TAFA1: variants seen among roughly 807,000 people sequenced by gnomAD.
The protein encoded by TAFA1 is TAFA chemokine like family member 1.
A neutral mutation model predicts 18.5 loss-of-function variants in TAFA1; 4 were observed. The observed-to-expected ratio is 0.22, with a 90% confidence interval of 0.11 to 0.49. TAFA1 has a LOEUF of 0.49. TAFA1 is among the 20% of genes least tolerant of loss of function. The probability of loss-of-function intolerance (pLI) is 0.98; values close to 1 mark genes in which losing one functional copy is unlikely to be tolerated. For missense variants in TAFA1, 147 were observed against 169.0 expected (o/e 0.87, Z 0.72); for synonymous variants, 56 against 55.2 (o/e 1.01, Z -0.06).
intron 2 of TAFA1, among the ~76,000 whole-genome samples, chr3:68,069,312 G>A (rs2106744132): frequency 6.6e-6 from 1 of 152,304 alleles, no homozygotes; most frequent in South Asian, 2.1e-4. Flanking sequence ...CATTTTATGT[G>A]GATGGTGGCA....
rs541121916 is a variant in TAFA1 at position 68,500,428 on chromosome 3, T to C, written c.260-38328T>C. ...CATAAAATTCCCTGCCCAATTGTTA[T>C]AAAACTTCTTAATGTCTGTACTTGT... is the stretch of plus-strand genomic sequence containing the variant. On this transcript the variant is annotated intron_variant, in intron 3 of 4. Transcript: ENST00000478136. 3.6e-4 allele frequency among the ~76,000 whole-genome samples: 55 copies of C among 152,300 alleles called. No individual in the cohort carries two copies. In the South Asian group the frequency reaches 6.2e-3, roughly 17 times the overall value.
chr3:68,421,866 G>A (rs1042075035), intron 3 of TAFA1, among the ~76,000 whole-genome samples: 1 of 151,976 alleles, frequency 6.6e-6, no homozygotes, highest in Non-Finnish European at 1.5e-5. Flanking sequence ...AATTGAACAC[G>A]GTGGAATTTT....
chr3:68,051,350 G>A (rs2064469350), intron 2 of TAFA1, among the ~76,000 whole-genome samples: 1 of 152,100 alleles, frequency 6.6e-6, no homozygotes, highest in Admixed American at 6.6e-5. Context: ...AATCAGATCT[G>A]GCAGAGATAT....
chr3:68,498,730 T>G (rs1053083803), intron 3 of TAFA1, among the ~76,000 whole-genome samples: 2 of 31,650 alleles, frequency 6.3e-5, no homozygotes, highest in Non-Finnish European at 1.3e-4. Flanking sequence ...GGCTTTTTTT[T>G]TTTTTTTTTT....
At chr3:68,145,413 T>C (rs1031899864) in intron 2 of TAFA1, 3 of 851,794 alleles carry the variant, frequency 3.5e-6, no homozygotes, top group Non-Finnish European at 4.1e-6. Context: ...GCAGCCTTTG[T>C]TGGACTTCCT....
At chr3:68,514,924 A>G (rs999355402) in intron 3 of TAFA1, among the ~76,000 whole-genome samples, 1 of 150,374 alleles carries the variant, frequency 6.7e-6, no homozygotes, top group Non-Finnish European at 1.5e-5. Flanking sequence ...ATTGGTAGCA[A>G]TTTGGATAAG....
At chr3:68,428,487 C>T (rs529551281) in intron 3 of TAFA1, among the ~76,000 whole-genome samples, 16 of 151,906 alleles carry the variant, frequency 1.1e-4, no homozygotes, top group East Asian at 3.9e-4. Flanking sequence ...CCCCAGGAAA[C>T]GAGAGGAGAA....
At chr3:68,103,796 C>T (rs6795487) in intron 2 of TAFA1, among the ~76,000 whole-genome samples, 136,668 of 152,206 alleles carry the variant, frequency 0.9, 61,602 homozygotes, top group South Asian at 0.95. Flanking sequence ...ACATGAATCA[C>T]AACCTTCAGT....
At chr3:68,307,612 G>A (rs2068443380) in intron 2 of TAFA1, among the ~76,000 whole-genome samples, 1 of 151,722 alleles carries the variant, frequency 6.6e-6, no homozygotes, top group Admixed American at 6.6e-5. Context: ...CTTTTTTTTG[G>A]AAACAATATT....
intron 2 of TAFA1, among the ~76,000 whole-genome samples, chr3:68,248,537 T>C (rs1039275705): frequency 2.0e-5 from 3 of 151,856 alleles, no homozygotes; most frequent in Non-Finnish European, 4.4e-5. Context: ...GTTGACCTGA[T>C]TGGTTGGAAG....
In TAFA1 at chr3:68,104,243, G is replaced by C. The variant is rs1471853649; in HGVS notation, c.118+97499G>C. On this transcript the variant is annotated intron_variant, in intron 2 of 4. Transcript: ENST00000478136. ...TTGTGTTTATTTAGCTAACTACTAGGGTGATGAACTTAGATAAAATAATTA... is the reference window on the plus strand; with the variant it reads ...TTGTGTTTATTTAGCTAACTACTAGCGTGATGAACTTAGATAAAATAATTA... 2.6e-5 allele frequency among the ~76,000 whole-genome samples: 4 copies of C among 151,782 alleles called. No individual in the cohort carries two copies. In the East Asian group the frequency reaches 7.7e-4, roughly 29 times the overall value.
At chr3:68,255,353 T>G (rs940423073) in intron 2 of TAFA1, among the ~76,000 whole-genome samples, 14 of 152,182 alleles carry the variant, frequency 9.2e-5, no homozygotes, top group Non-Finnish European at 2.1e-4. Context: ...CATTTACATT[T>G]ATTGGTTCGG....
intron 3 of TAFA1, among the ~76,000 whole-genome samples, chr3:68,441,530 C>G (rs1311205831): frequency 6.6e-6 from 1 of 152,170 alleles, no homozygotes; most frequent in Admixed American, 6.5e-5. Flanking sequence ...CCTGAACTGC[C>G]TATCATGAAC....
chr3:68,340,987 G>A lies in TAFA1; in HGVS notation c.119-76293G>A, dbSNP rs139138687. 2.0e-3 allele frequency among the ~76,000 whole-genome samples: 300 copies of A among 152,198 alleles called. 2 individuals are homozygous for A. The highest frequency in any genetic ancestry group is 6.7e-3 in the African/African-American group (279 of 41,534). On this transcript the variant is annotated intron_variant, in intron 2 of 4. Coordinates refer to ENST00000478136, the MANE Select transcript of TAFA1 (RefSeq NM_213609.4). ...TTCCTGGAAGAGATAGCATTAAATC[G>A]TGGGTAAGATGTTGATGTCTAAAAG...
chr3:68,065,684 G>C (rs1373093261), intron 2 of TAFA1, among the ~76,000 whole-genome samples: 3 of 151,580 alleles, frequency 2.0e-5, no homozygotes, highest in African/African-American at 7.3e-5. Flanking sequence ...GGTAGATATA[G>C]AGACGACATA....
chr3:68,390,611 G>A (rs993225167), intron 2 of TAFA1, among the ~76,000 whole-genome samples: 17 of 152,142 alleles, frequency 1.1e-4, no homozygotes, highest in Admixed American at 3.3e-4. Context: ...GAGAGGCAGC[G>A]GGCATCTGGC....
chr3:68,431,448 C>T (rs2071169596), intron 3 of TAFA1, among the ~76,000 whole-genome samples: 1 of 151,878 alleles, frequency 6.6e-6, no homozygotes, highest in South Asian at 2.1e-4. Context: ...ATTATGATAC[C>T]TAATCTTCAT....
At chr3:68,505,611 C>T (rs2072734697) in intron 3 of TAFA1, among the ~76,000 whole-genome samples, 1 of 152,120 alleles carries the variant, frequency 6.6e-6, no homozygotes, top group Admixed American at 6.6e-5. Flanking sequence ...GATTCCATTT[C>T]CAAGCTCCTT....
chr3:68,298,468 T>C (rs1048258889), intron 2 of TAFA1, among the ~76,000 whole-genome samples: 1 of 152,138 alleles, frequency 6.6e-6, no homozygotes, highest in African/African-American at 2.4e-5. Flanking sequence ...CAAAAAATCT[T>C]GTAGCTAAGG....
Sources: allele counts gnomAD v4.1 joint callset (sites outside exome capture counted in the v4.1 genomes callset), GRCh38; gene constraint gnomAD v4.1.1; transcripts MANE v1.5; gene names NCBI Gene and HGNC (gene_info 2026-07-23, HGNC 2026-07-21).